The following PLCL2 variants were observed in gnomAD, a reference collection of about 807,000 sequenced individuals.
PLCL2 encodes phospholipase C like 2.
PLCL2 carries 4 observed loss-of-function variants against 79.6 expected under a neutral mutation model. The ratio of observed to expected loss-of-function variants is 0.05; its 90% CI spans 0.02 to 0.11. PLCL2 has a LOEUF of 0.11. Ranked by LOEUF, PLCL2 falls within the 10% of genes least tolerant of loss-of-function variation. The pLI, the probability that PLCL2 is intolerant of heterozygous loss-of-function variation, is 1.00. For missense variants in PLCL2, 895 were observed against 1,291.0 expected, an observed-to-expected ratio of 0.69 and a Z score of 4.70; for synonymous variants, 484 against 457.7, an observed-to-expected ratio of 1.06 and a Z score of -0.73.
chr3:16,917,085 T>A (rs973476289), intron 1 of PLCL2, among the ~76,000 whole-genome samples: 1 of 152,186 alleles, frequency 6.6e-6, no homozygotes, highest in African/African-American at 2.4e-5. Context: ...CTTTTCCTGG[T>A]ACTTAGCCCC....
chr3:16,964,510 A>G (rs2063786141), intron 1 of PLCL2, among the ~76,000 whole-genome samples: 1 of 152,104 alleles, frequency 6.6e-6, no homozygotes, highest in Non-Finnish European at 1.5e-5. Context: ...TAGCAGCATG[A>G]TTATAATCCT....
chr3:17,023,285 A>G (rs1372603115), intron 3 of PLCL2, among the ~76,000 whole-genome samples: 1 of 152,250 alleles, frequency 6.6e-6, no homozygotes, highest in South Asian at 2.1e-4. Context: ...ATTTGGAAGG[A>G]AGTCTCCTCC....
At chr3:17,077,005 T>C (rs1013866082) in intron 5 of PLCL2, among the ~76,000 whole-genome samples, 5 of 152,184 alleles carry the variant, frequency 3.3e-5, no homozygotes, top group African/African-American at 1.2e-4. Context: ...CAATAGCCGT[T>C]TTCCAGCCTC....
rs994681153 is a variant in PLCL2 at position 16,966,812 on chromosome 3, T to A, written c.328-42862T>A. On this transcript the variant is annotated intron_variant, in intron 1 of 5. Transcript: ENST00000615277. ...TTTCTAGTTTGCAAATGATTTTTTT[T>A]ACTTTTATTTTAAGTTCAGAGGTCA... 2.6e-5 allele frequency among the ~76,000 whole-genome samples: 4 copies of A among 152,150 alleles called. No homozygotes were observed. The South Asian group carries it at 6.2e-4, about 24-fold the overall frequency.
At chr3:16,889,473 C>T (rs750003766) in intron 1 of PLCL2, among the ~76,000 whole-genome samples, 2 of 152,212 alleles carry the variant, frequency 1.3e-5, no homozygotes, top group Admixed American at 1.3e-4. Context: ...GGCTTTTAGT[C>T]ACCCGTTGTG....
rs999884067 is a variant in PLCL2, at chr3:17,090,155, A to G, written c.*243A>G. The stretch of plus-strand genomic sequence containing the variant: ...ATATGCTATATTTGTATACAAAGAC[A>G]TTCTAACTCAGTTCCAGTATGAAGA... On this transcript the variant is annotated 3_prime_UTR_variant, in exon 6 of 6. Coordinates refer to ENST00000615277, the MANE Select transcript of PLCL2 (RefSeq NM_001144382.2). 39 of 1,183,756 alleles carry G rather than the reference A, an allele frequency of 3.3e-5. No individual in the cohort carries two copies. The highest frequency in any genetic ancestry group is 3.9e-5 in the Non-Finnish European group (37 of 956,480). 73.3% of individuals were successfully genotyped at this position (1,183,756 alleles called of 1,614,324 possible).
At chr3:17,081,294 G>A (rs2065160259) in intron 5 of PLCL2, 1 of 455,974 alleles carries the variant, frequency 2.2e-6, no homozygotes, top group South Asian at 1.6e-5. Context: ...TGGAAGAAAA[G>A]TGTCTGCTGG....
intron 5 of PLCL2, among the ~76,000 whole-genome samples, chr3:17,070,148 A>T (rs924340652): frequency 1.3e-5 from 2 of 152,152 alleles, no homozygotes; most frequent in Non-Finnish European, 2.9e-5. Context: ...GGAACCAGCA[A>T]CCTGGGCCTC....
intron 4 of PLCL2, among the ~76,000 whole-genome samples, chr3:17,058,325 T>TAATA (rs1254342505): frequency 1.3e-5 from 2 of 152,150 alleles, no homozygotes; most frequent in African/African-American, 4.8e-5. Context: ...AGCTTTAACA[T>TAATA]AATATTAAGC....
intron 1 of PLCL2, among the ~76,000 whole-genome samples, chr3:16,966,168 T>C (rs1307932552): frequency 1.4e-5 from 2 of 146,814 alleles, no homozygotes; most frequent in Non-Finnish European, 1.5e-5. Context: ...CATAAATAGC[T>C]CTTATTATTT....
In PLCL2 at chr3:17,014,729, G is replaced by A; in HGVS notation, c.2836G>A (p.Glu946Lys). 1 of 1,613,846 alleles carries A rather than the reference G, an allele frequency of 6.2e-7. No homozygotes were observed. Among genetic ancestry groups the A allele is most frequent in the South Asian group, 1.1e-5 (1 of 91,076 alleles). The change falls in exon 3 of 6, where the codon GAG becomes AAG. Residue 946 changes from glutamate to lysine, a missense_variant. This residue lies in a region of PLCL2 where 298 missense variants were observed against 459.6 expected (regional missense o/e 0.65). Coordinates refer to ENST00000615277, the MANE Select transcript of PLCL2 (RefSeq NM_001144382.2). Reference sequence around the variant, plus strand: ...ACAGAATGCGGTGGTGTCATTCAAGGAGCTGTGTGGCCTCTCCTCTGTGGC... The same window carrying A: ...ACAGAATGCGGTGGTGTCATTCAAGAAGCTGTGTGGCCTCTCCTCTGTGGC... ...NMQNAVVSFK[E>K]LCGLSSVANL...
At chr3:16,895,005 A>G (rs1210226084) in intron 1 of PLCL2, among the ~76,000 whole-genome samples, 1 of 152,060 alleles carries the variant, frequency 6.6e-6, no homozygotes, top group African/African-American at 2.4e-5. Context: ...GATGATATAT[A>G]TGTTTTGTGA....
chr3:16,956,901 C>G (rs938225599), intron 1 of PLCL2, among the ~76,000 whole-genome samples: 1 of 152,084 alleles, frequency 6.6e-6, no homozygotes, highest in Non-Finnish European at 1.5e-5. Flanking sequence ...TTTATTGCAT[C>G]TATTTGATTC....
chr3:16,968,380 T>C (rs186482957), intron 1 of PLCL2, among the ~76,000 whole-genome samples: 20 of 152,294 alleles, frequency 1.3e-4, no homozygotes, highest in Non-Finnish European at 2.8e-4. Context: ...ATTTGAATGA[T>C]ATTGATTCTT....
chr3:17,072,918 C>A (rs936979891), intron 5 of PLCL2, among the ~76,000 whole-genome samples: 1 of 152,106 alleles, frequency 6.6e-6, no homozygotes, highest in African/African-American at 2.4e-5. Flanking sequence ...CTTTGCCAGG[C>A]TTCTTAAGAT....
At chr3:16,944,672 G>A (rs1041483229) in intron 1 of PLCL2, among the ~76,000 whole-genome samples, 1 of 151,922 alleles carries the variant, frequency 6.6e-6, no homozygotes, top group Non-Finnish European at 1.5e-5. Flanking sequence ...CCTTAATCTT[G>A]GACTTGCAGC....
chr3:17,071,243 T>G (rs2065057846), intron 5 of PLCL2, among the ~76,000 whole-genome samples: 1 of 152,156 alleles, frequency 6.6e-6, no homozygotes, highest in Non-Finnish European at 1.5e-5. Context: ...CTGAGAGGAG[T>G]TCCTGCCACT....
chr3:16,961,882 A>C (rs1341313381), intron 1 of PLCL2, among the ~76,000 whole-genome samples: 1 of 152,184 alleles, frequency 6.6e-6, no homozygotes, highest in African/African-American at 2.4e-5. Context: ...AGACAGCTCT[A>C]GTGGATACCC....
At chr3:17,045,772 G>A (rs979581492) in intron 4 of PLCL2, among the ~76,000 whole-genome samples, 6 of 152,206 alleles carry the variant, frequency 3.9e-5, no homozygotes, top group Non-Finnish European at 5.9e-5. Context: ...GTGAGGTCAG[G>A]AATGAAGTAC....
Sources: allele counts gnomAD v4.1 joint callset (sites outside exome capture counted in the v4.1 genomes callset), GRCh38; gene constraint gnomAD v4.1.1; regional missense constraint gnomAD v4.1.1; transcripts MANE v1.5; gene names NCBI Gene and HGNC (gene_info 2026-07-23, HGNC 2026-07-21).